The following BIRC6 variants were observed in gnomAD, a reference collection of about 807,000 sequenced individuals.
BIRC6 encodes the protein dual E2 ubiquitin-conjugating enzyme/E3 ubiquitin-protein ligase BIRC6.
A neutral mutation model predicts 503.3 loss-of-function variants in BIRC6; 98 were observed. The ratio of observed to expected loss-of-function variants is 0.19; its 90% CI spans 0.17 to 0.23. The LOEUF (loss-of-function observed/expected upper bound fraction) is 0.23, where lower values mean the gene tolerates loss of function less well. BIRC6 is among the 10% of genes least tolerant of loss of function. BIRC6 has a pLI of 1.00. For missense variants in BIRC6, 5,360 were observed against 5,806.0 expected, an observed-to-expected ratio of 0.92 and a Z score of 2.50; for synonymous variants, 2,240 against 2,078.7, an observed-to-expected ratio of 1.08 and a Z score of -2.11.
chr2:32,589,816 G>C (rs775388524), intron 66 of BIRC6, among the ~76,000 whole-genome samples: 6 of 152,148 alleles, frequency 3.9e-5, no homozygotes, highest in Non-Finnish European at 7.4e-5. Context: ...TATGTCTGGT[G>C]ATGTTTAATT....
At chr2:32,469,277 A>G in intron 29 of BIRC6, 118 bp from the exon 30 acceptor site, 1 of 774,444 alleles carries the variant, frequency 1.3e-6, no homozygotes, top group Non-Finnish European at 2.0e-6. Context: ...TGCAGAATAA[A>G]TAGAATATAA....
chr2:32,504,075 T>TGC (rs1340829984), intron 49 of BIRC6, among the ~76,000 whole-genome samples: 1 of 148,114 alleles, frequency 6.8e-6, no homozygotes, highest in Non-Finnish European at 1.5e-5. Flanking sequence ...TGTGTGTGTG[T>TGC]GTTTAGTAGA....
intron 65 of BIRC6, among the ~76,000 whole-genome samples, chr2:32,571,555 A>G (rs2059919366): frequency 6.6e-6 from 1 of 151,950 alleles, no homozygotes; most frequent in Admixed American, 6.6e-5. Context: ...AGAGTTGATC[A>G]TAATAGTCCC....
intron 51 of BIRC6, among the ~76,000 whole-genome samples, chr2:32,508,782 G>T (rs2054077275): frequency 6.6e-6 from 1 of 151,966 alleles, no homozygotes; most frequent in Admixed American, 6.6e-5. Context: ...TGAAAGTTCT[G>T]CCTGATAAAA....
intron 9 of BIRC6, among the ~76,000 whole-genome samples, chr2:32,411,137 C>T (rs1349663120): frequency 6.6e-6 from 1 of 151,880 alleles, no homozygotes; most frequent in Non-Finnish European, 1.5e-5. Context: ...CTCCCGGGTT[C>T]AAACGATTCT....
intron 66 of BIRC6, among the ~76,000 whole-genome samples, chr2:32,591,475 A>G (rs2061376931): frequency 6.6e-6 from 1 of 151,872 alleles, no homozygotes; most frequent in Non-Finnish European, 1.5e-5. Flanking sequence ...AGAGCTTGAG[A>G]TTTAGAATCA....
intron 3 of BIRC6, among the ~76,000 whole-genome samples, chr2:32,380,596 A>G (rs1172667820): frequency 1.3e-5 from 2 of 152,000 alleles, no homozygotes; most frequent in Non-Finnish European, 2.9e-5. Flanking sequence ...GCGTGGTGGC[A>G]GGCGCCTGTA....
chr2:32,543,321 G>C lies in BIRC6; in HGVS notation c.12372G>C (p.Gln4124His), dbSNP rs779847642. The change falls in exon 62 of 74, where the codon CAG becomes CAC. Residue 4124 changes from glutamine (Q) to histidine (H), a missense_variant. Around this residue, in one of 16 missense-constraint regions of BIRC6, gnomAD observed 878 missense variants for 928.9 expected, o/e 0.95. Coordinates refer to ENST00000421745, the MANE Select transcript of BIRC6 (RefSeq NM_016252.4). ...SDQFEWVTIEQSGELVYEAPE... is the reference protein window; with the variant it reads ...SDQFEWVTIEHSGELVYEAPE... Reference sequence around the variant, plus strand: ...AGTTTGAATGGGTGACCATTGAACAGTCAGGGGAGTTAGTTTATGAAGCAC... The same window carrying C: ...AGTTTGAATGGGTGACCATTGAACACTCAGGGGAGTTAGTTTATGAAGCAC... The C allele has an allele frequency of 1.2e-6, 2 of 1,614,028 alleles. No homozygotes were observed. The highest frequency in any genetic ancestry group is 1.7e-6 in the Non-Finnish European group (2 of 1,179,898).
Position 32,526,319 on chromosome 2 carries a change from C to T in BIRC6, c.11920+691C>T, listed in dbSNP as rs988254097. 4.6e-5 allele frequency among the ~76,000 whole-genome samples: 7 copies of T among 152,144 alleles called. No individual in the cohort carries two copies. In the East Asian group the frequency reaches 9.6e-4, roughly 21 times the overall value. On this transcript the variant is annotated intron_variant, in intron 59 of 73. Coordinates refer to ENST00000421745, the MANE Select transcript of BIRC6 (RefSeq NM_016252.4). ...CAAAACTGCAAATGTGCATGCCAGA[C>T]GTGCCAACAGCAGGTTTCCCACGAT...
chr2:32,517,843 A>C (rs543541292), intron 55 of BIRC6, among the ~76,000 whole-genome samples: 9 of 152,226 alleles, frequency 5.9e-5, no homozygotes, highest in Non-Finnish European at 1.0e-4. Flanking sequence ...AGTTTCCCAA[A>C]GTTCTGAGAT....
chr2:32,532,937 T>C (rs1158345624), intron 61 of BIRC6, among the ~76,000 whole-genome samples: 2 of 152,158 alleles, frequency 1.3e-5, no homozygotes, highest in Admixed American at 1.3e-4. Context: ...ACTTTAGAAT[T>C]GGGTACTTGG....
chr2:32,532,014 T>G (rs1046694561), intron 61 of BIRC6: 2 of 470,354 alleles, frequency 4.3e-6, no homozygotes, highest in Non-Finnish European at 8.5e-6. Context: ...AAGCTGTCAA[T>G]GTCTGTGCTT....
chr2:32,616,611 G>A (rs2063263158), intron 73 of BIRC6, among the ~76,000 whole-genome samples: 2 of 150,982 alleles, frequency 1.3e-5, no homozygotes, highest in Admixed American at 6.6e-5. Flanking sequence ...TATTTCTAAG[G>A]TTTATTCTGA....
chr2:32,603,628 G>A (rs1442535383), intron 71 of BIRC6, among the ~76,000 whole-genome samples: 1 of 152,134 alleles, frequency 6.6e-6, no homozygotes, highest in Non-Finnish European at 1.5e-5. Flanking sequence ...CGCCTCTGAG[G>A]TAGGAGAATC....
chr2:32,371,955 GC>G (rs1337558995), intron 1 of BIRC6, among the ~76,000 whole-genome samples: 1 of 151,774 alleles, frequency 6.6e-6, no homozygotes. Context: ...ACAGGTGCCT[GC>G]CACCGTGCCC....
chr2:32,470,794 T>C (rs1278045507), intron 31 of BIRC6, among the ~76,000 whole-genome samples: 1 of 152,252 alleles, frequency 6.6e-6, no homozygotes, highest in African/African-American at 2.4e-5. Context: ...TAATCTGTTC[T>C]TATACCTTGA....
intron 61 of BIRC6, 51 bp from the exon 62 acceptor site, chr2:32,543,190 T>C: frequency 2.0e-6 from 3 of 1,526,776 alleles, no homozygotes; most frequent in East Asian, 4.5e-5. Context: ...TTACTTTGAA[T>C]CTGATGTTGA....
At chr2:32,511,201 C>CTTTTTTTTTTTTTTTTTTTT in intron 53 of BIRC6, among the ~76,000 whole-genome samples, 32 of 48,588 alleles carry the variant, frequency 6.6e-4, no homozygotes, top group Admixed American at 1.1e-3. Context: ...CTTTTCTTTT[C>CTTTTTTTTTTTTTTTTTTTT]TTTTTTTTTT....
At chr2:32,465,269 T>TG in intron 26 of BIRC6, 105 bp downstream of exon 26, 1 of 594,540 alleles carries the variant, frequency 1.7e-6, no homozygotes. Context: ...TTTTTTTTTT[T>TG]GCAAATCGCG....
Sources: gnomAD v4.1 joint callset for allele counts (sites outside exome capture counted in the v4.1 genomes callset) on GRCh38, gnomAD v4.1.1 for gene constraint, gnomAD v4.1.1 regional missense constraint, MANE v1.5 for transcripts, NCBI Gene and HGNC (gene_info 2026-07-23, HGNC 2026-07-21) for gene names.